MILR1: variants seen among roughly 807,000 people sequenced by gnomAD.
The protein encoded by MILR1 is mast cell immunoglobulin like receptor 1.
A neutral mutation model predicts 18.5 loss-of-function variants in MILR1; 31 were observed. The observed-to-expected ratio is 1.68, with a 90% CI of 1.26 to 2.26. The LOEUF is 2.26. MILR1 is among the 30% of genes most tolerant of loss of function. MILR1 has a pLI of 0.00. For synonymous variants in MILR1, 85 were observed against 56.2 expected (o/e 1.51, Z -2.30); for missense variants, 257 against 157.4 (o/e 1.63, Z -3.38).
intron 9 of MILR1, chr17:64,467,935 C>CAAAAAAAAAAAA (rs112297771): frequency 6.6e-6 from 1 of 152,528 alleles, no homozygotes. Flanking sequence ...GACTTCATCT[C>CAAAAAAAAAAAA]AAAAAAAAAA....
intron 6 of MILR1, 88 bp from the exon 7 acceptor site, chr17:64,466,354 A>C: frequency 9.1e-7 from 1 of 1,104,070 alleles, no homozygotes; most frequent in East Asian, 2.5e-5. Flanking sequence ...CTACATGGCC[A>C]CATTCCAGAC....
the MILR1 span, among the ~76,000 whole-genome samples, chr17:64,479,565 T>C: frequency 1.3e-5 from 2 of 151,964 alleles, no homozygotes; most frequent in Admixed American, 1.3e-4. Context: ...AAAAGATACA[T>C]ATTCAACACA....
chr17:64,477,706 G>A, the MILR1 span: 1 of 1,141,402 alleles, frequency 8.8e-7, no homozygotes, highest in African/African-American at 1.6e-5. Context: ...AACACTGAAT[G>A]AAAGCAAGCA....
chr17:64,452,281 T>C (rs2037191317), intron 2 of MILR1, among the ~76,000 whole-genome samples: 2 of 151,962 alleles, frequency 1.3e-5, no homozygotes, highest in African/African-American at 4.8e-5. Context: ...TTTGAGGTAG[T>C]CTCACTCTGT....
chr17:64,488,745 C>T, the MILR1 span, among the ~76,000 whole-genome samples: 1 of 151,990 alleles, frequency 6.6e-6, no homozygotes. Context: ...TCTAGTTTTT[C>T]ATTAGTTATT....
At chr17:64,497,153 C>T in the MILR1 span, 1 of 671,394 alleles carries the variant, frequency 1.5e-6, no homozygotes, top group Non-Finnish European at 2.7e-6. Flanking sequence ...CCCCGCCCAC[C>T]ATGGCGGACG....
intron 3 of MILR1, among the ~76,000 whole-genome samples, chr17:64,455,778 C>G (rs1352987841): frequency 5.3e-5 from 8 of 151,914 alleles, no homozygotes; most frequent in Non-Finnish European, 1.2e-4. Flanking sequence ...GTGGCTCACG[C>G]CTGTAATCCC....
chr17:64,452,859 G>A lies in MILR1; in HGVS notation c.360G>A (p.Thr120=). The part of the protein sequence containing the change: ...CSKYSRDFSF[T]IVDPVTSPVL... ...AATACAGTCGTGACTTCAGCTTCAC[G>A]ATTGTCGGTAAGTAGAGTGCCTGTT... Residue 120 remains threonine (T), a synonymous_variant, in exon 3 of 10, where the codon ACG becomes ACA. Coordinates refer to ENST00000619286, the MANE Select transcript of MILR1 (RefSeq NM_001085423.2). The A allele has an allele frequency of 2.1e-6, 1 of 475,060 alleles. No individual in the cohort carries two copies. The allele number at this position is 475,060 out of a possible 1,614,324, so 29.4% of individuals were successfully genotyped here. A position where few individuals can be genotyped will look rare whatever the true frequency, so the allele number is the denominator to read the frequency against.
At position 64,468,350 on chromosome 17, in the gene MILR1, G is replaced by A. The variant is rs1402394412; in HGVS notation, c.*69G>A. 12 of 452,060 alleles carry A rather than the reference G, an allele frequency of 2.7e-5. 1 individual carries two copies. Among genetic ancestry groups the A allele is most frequent in the African/African-American group, 8.1e-5 (4 of 49,560 alleles). The allele number at this position is 452,060 out of a possible 1,614,324, so 28.0% of individuals were successfully genotyped here. On this transcript the variant is annotated 3_prime_UTR_variant, in exon 10 of 10. Transcript: ENST00000619286. ...GTTGCCCAGGCTGGAGTTCAGTAGC[G>A]CGATCTTGGCTCACTTCAATCTCCA...
At chr17:64,452,372 G>A (rs1053983208) in intron 2 of MILR1, among the ~76,000 whole-genome samples, 1 of 152,072 alleles carries the variant, frequency 6.6e-6, no homozygotes, top group Non-Finnish European at 1.5e-5. Context: ...TCCTGCCTCA[G>A]CCTCCTGAGT....
At chr17:64,496,613 A>C in the MILR1 span, 3 of 1,613,654 alleles carry the variant, frequency 1.9e-6, no homozygotes, top group Admixed American at 3.3e-5. Flanking sequence ...CCTGAACACC[A>C]CCACCGAGGT....
chr17:64,470,112 G>T (rs2037664864), downstream of MILR1, among the ~76,000 whole-genome samples: 1 of 152,134 alleles, frequency 6.6e-6, no homozygotes, highest in South Asian at 2.1e-4. Context: ...GTTGTTTTTT[G>T]AGACAGAGTC....
chr17:64,489,759 A>T, the MILR1 span, among the ~76,000 whole-genome samples: 183 of 147,584 alleles, frequency 1.2e-3, no homozygotes, highest in African/African-American at 3.6e-3. Context: ...CCTGTCTCAA[A>T]TAAAGAAAAA....
At chr17:64,486,138 C>G in the MILR1 span, among the ~76,000 whole-genome samples, 1 of 152,134 alleles carries the variant, frequency 6.6e-6, no homozygotes, top group African/African-American at 2.4e-5. Flanking sequence ...GGCACTGGGC[C>G]CACGAAGACG....
chr17:64,473,973 AATAAAACTG>A, the MILR1 span, among the ~76,000 whole-genome samples: 1 of 152,230 alleles, frequency 6.6e-6, no homozygotes. Flanking sequence ...ATTGTATCTT[AATAAAACTG>A]ATTAAAACAG....
At chr17:64,467,464 C>T (rs2037599825) in intron 8 of MILR1, 101 bp from the exon 9 acceptor site, 7 of 691,544 alleles carry the variant, frequency 1.0e-5, no homozygotes, top group East Asian at 2.8e-5. Flanking sequence ...TTAGTTAATA[C>T]CTGGTTCTGT....
intron 3 of MILR1, among the ~76,000 whole-genome samples, chr17:64,456,670 C>T (rs2037307802): frequency 6.6e-6 from 1 of 151,988 alleles, no homozygotes; most frequent in South Asian, 2.1e-4. Flanking sequence ...AATTAGCCAG[C>T]AGTGTGCACC....
intron 5 of MILR1, among the ~76,000 whole-genome samples, chr17:64,461,239 GTTTATTTA>G (rs1254231430): frequency 2.0e-5 from 3 of 151,962 alleles, no homozygotes; most frequent in South Asian, 2.1e-4. Context: ...TTTGGTATTT[GTTTATTTA>G]TTTATTTATT....
intron 4 of MILR1, 60 bp downstream of exon 4, chr17:64,457,744 C>T (rs1475986389): frequency 2.1e-6 from 1 of 465,768 alleles, no homozygotes; most frequent in Non-Finnish European, 3.9e-6. Context: ...ACTGCAGCTG[C>T]TCCTCTGCCC....
Sources: gnomAD v4.1 joint callset for allele counts (sites outside exome capture counted in the v4.1 genomes callset) on GRCh38, gnomAD v4.1.1 for gene constraint, MANE v1.5 for transcripts, NCBI Gene and HGNC (gene_info 2026-07-23, HGNC 2026-07-21) for gene names.